INF2: variants seen among roughly 807,000 people sequenced by gnomAD.
INF2 encodes inverted formin 2, also known as inverted formin-2.
Under a neutral mutation model 123.5 loss-of-function variants are expected in INF2, and 43 were observed. The observed-to-expected ratio is 0.35, with a 90% CI of 0.27 to 0.45. INF2 has a LOEUF of 0.45. Ranked by LOEUF, INF2 falls within the 20% of genes least tolerant of loss-of-function variation. INF2 has a pLI of 1.00. For missense variants in INF2, 1,453 were observed against 1,682.7 expected, an observed-to-expected ratio of 0.86 and a Z score of 2.39; for synonymous variants, 851 against 745.0, an observed-to-expected ratio of 1.14 and a Z score of -2.32.
intron 7 of INF2, 47 bp downstream of exon 7, chr14:104,707,098 C>G (rs1383970535): frequency 1.3e-6 from 2 of 1,546,696 alleles, no homozygotes; most frequent in Non-Finnish European, 8.7e-7. Context: ...TGGGCAGACA[C>G]TGAGGTCTTA....
chr14:104,710,115 G>A lies in INF2; in HGVS notation c.2166G>A (p.Leu722=), dbSNP rs1243602670. 8 of 1,552,798 alleles carry A rather than the reference G, an allele frequency of 5.2e-6. No individual in the cohort carries two copies. The highest frequency in any genetic ancestry group is 7.0e-6 in the Non-Finnish European group (8 of 1,148,778). The part of the protein sequence containing the change: ...PCYQLRIECM[L]LCEGAAAVLD... The stretch of plus-strand genomic sequence containing the variant: ...ACCAGCTGCGAATCGAGTGCATGCT[G>A]CTGTGTGAGGGCGCGGCCGCCGTGC... Residue 722 remains leucine (L), a synonymous_variant, in exon 13 of 23, where the codon CTG becomes CTA. Transcript: ENST00000392634.
chr14:104,689,472 G>C, upstream of INF2: 1 of 424,290 alleles, frequency 2.4e-6, no homozygotes, highest in Non-Finnish European at 3.2e-6. Context: ...CGCCCTCAGG[G>C]ACCGGCCACA....
In INF2 at chr14:104,712,943, C is replaced by T. The variant is rs201336550; in HGVS notation, c.2726C>T (p.Thr909Met). 1.2e-5 allele frequency: 20 copies of T among 1,612,712 alleles called. No homozygotes were observed. Among genetic ancestry groups the T allele is most frequent in the Admixed American group, 3.3e-5 (2 of 60,030 alleles). Residue 909 changes from threonine to methionine, a missense_variant, in exon 18 of 23, where the codon ACG becomes ATG. By Grantham distance (81) the Thr-to-Met change is moderately conservative (BLOSUM62 -1). This residue lies in a region of INF2 where 212 missense variants were observed against 266.2 expected (regional missense o/e 0.80). Transcript: ENST00000392634. ...GCCCAGCAGCTGTCCCTGGAGGACA[C>T]GTTCAGCACCATGAAGGCTTTCCGG... ...EDAQQLSLEDTFSTMKAFRDL... is the reference protein window; with the variant it reads ...EDAQQLSLEDMFSTMKAFRDL...
upstream of INF2, among the ~76,000 whole-genome samples, chr14:104,687,893 A>G (rs1183001587): frequency 6.6e-6 from 1 of 152,188 alleles, no homozygotes; most frequent in Non-Finnish European, 1.5e-5. The surrounding 1 kb of genome is among the most constrained non-coding windows in gnomAD (Gnocchi z 5.6). Flanking sequence ...CTGGATCAAC[A>G]AACACACCCA....
At chr14:104,717,932 T>A (rs7157045) in intron 22 of INF2, among the ~76,000 whole-genome samples, 2,512 of 152,256 alleles carry the variant, frequency 0.016, 34 homozygotes, top group South Asian at 0.044. Context: ...AATCCTTCAC[T>A]GCCACTGCCG....
intron 22 of INF2, chr14:104,716,044 A>G (rs1339722237): frequency 9.1e-6 from 4 of 438,898 alleles, no homozygotes; most frequent in Admixed American, 2.4e-5. Flanking sequence ...GGAGAGGCCA[A>G]TGCATCCAGC....
intron 1 of INF2, among the ~76,000 whole-genome samples, chr14:104,682,520 C>T (rs372993070): frequency 5.9e-5 from 9 of 152,148 alleles, no homozygotes; most frequent in Non-Finnish European, 8.8e-5. Context: ...GACAGCCATC[C>T]GGCCTTTGGG....
At chr14:104,716,050 C>T (rs1203575948) in intron 22 of INF2, 2 of 433,680 alleles carry the variant, frequency 4.6e-6, no homozygotes, top group Non-Finnish European at 9.3e-6. Context: ...GCCAATGCAT[C>T]CAGCTAGACA....
At chr14:104,712,584 GGA>G in intron 17 of INF2, 31 bp downstream of exon 17, 1 of 1,612,336 alleles carries the variant, frequency 6.2e-7, no homozygotes, top group African/African-American at 1.3e-5. Flanking sequence ...GGGGCTGGCG[GGA>G]GAGGCTGCCC....
rs1890454114 is a variant in INF2, at chr14:104,719,132, C to T, written c.*339C>T. The stretch of plus-strand genomic sequence containing the variant: ...GGGGGTGCTGCGTCCTGCCAGTGTC[C>T]ACCACAGCTCTGCCTGCCCTTCAGC... On this transcript the variant is annotated 3_prime_UTR_variant, in exon 23 of 23. Coordinates refer to ENST00000392634, the MANE Select transcript of INF2 (RefSeq NM_022489.4). 2.4e-6 allele frequency: 1 copy of T among 412,134 alleles called. No individual in the cohort carries two copies. Among genetic ancestry groups the T allele is most frequent in the South Asian group, 4.8e-5 (1 of 21,034 alleles). The allele number at this position is 412,134 out of a possible 1,614,324, so 25.5% of individuals were successfully genotyped here.
At chr14:104,709,429 C>T (rs112299129) in intron 11 of INF2, 46 bp downstream of exon 11, 2 of 1,487,804 alleles carry the variant, frequency 1.3e-6, no homozygotes, top group South Asian at 1.1e-5. Context: ...GTGCCACCAA[C>T]CAAGGGAGAG....
intron 1 of INF2, among the ~76,000 whole-genome samples, chr14:104,698,082 G>A (rs1329544365): frequency 6.6e-6 from 1 of 152,252 alleles, no homozygotes; most frequent in Non-Finnish European, 1.5e-5. Context: ...AGGTGGCCAC[G>A]CCCTACAGCC....
rs1889847537 is a variant in INF2, at chr14:104,707,647, C to T, written c.1380C>T (p.Pro460=). The T allele has an allele frequency of 2.1e-6, 2 of 966,308 alleles. No homozygotes were observed. The highest frequency in any genetic ancestry group is 3.1e-6 in the Non-Finnish European group (2 of 649,432). 59.9% of individuals were successfully genotyped at this position (966,308 alleles called of 1,614,324 possible). The change falls in exon 8 of 23, where the codon CCC becomes CCT. Residue 460 remains proline, a synonymous_variant. Transcript: ENST00000392634. ...GAKALPTAPP[P]PPLPGLGAMA... is the part of the protein sequence containing the mutation. ...AGGCCCTCCCAACAGCACCCCCGCC[C>T]CCACCCCTGCCAGGCCTGGGGGCCA... is the stretch of plus-strand genomic sequence containing the variant.
intron 7 of INF2, 21 bp downstream of exon 7, chr14:104,707,072 C>T (rs777780900): frequency 2.1e-4 from 331 of 1,565,000 alleles, no homozygotes; most frequent in Non-Finnish European, 2.7e-4. Context: ...GGGGCAGGGG[C>T]GTAGGCACAG....
At chr14:104,711,724 C>T in intron 16 of INF2, 25 bp downstream of exon 16, 3 of 1,608,772 alleles carry the variant, frequency 1.9e-6, no homozygotes, top group Non-Finnish European at 1.7e-6. Flanking sequence ...CCAGCCCGCC[C>T]ACCTCAGCCA....
In INF2 at chr14:104,707,031, C is replaced by T; in HGVS notation, c.965C>T (p.Ala322Val). ...GCCCTGGAGAGCCTCGTGAACCGGG[C>T]CGTGCTCCTGGCCAGCGATGGTGAG... Reference protein sequence around the residue: ...WEALESLVNRAVLLASDAQEC... With the variant: ...WEALESLVNRVVLLASDAQEC... The change falls in exon 7 of 23, where the codon GCC (alanine) becomes GTC (valine). Residue 322 changes from alanine to valine, a missense_variant. Coordinates refer to ENST00000392634, the MANE Select transcript of INF2 (RefSeq NM_022489.4). The T allele has an allele frequency of 6.3e-7, 1 of 1,584,546 alleles. No individual in the cohort carries two copies. Among genetic ancestry groups the T allele is most frequent in the Non-Finnish European group, 8.5e-7 (1 of 1,173,278 alleles).
chr14:104,689,601 C>CCGCCCGCCCCG (rs1053567097), upstream of INF2: 23 of 791,924 alleles, frequency 2.9e-5, no homozygotes, highest in Non-Finnish European at 3.5e-5. Flanking sequence ...CCCGCCCGCC[C>CCGCCCGCCCCG]CGCCCGCCCC....
At chr14:104,692,219 A>G (rs1888985765) in intron 1 of INF2, among the ~76,000 whole-genome samples, 1 of 152,194 alleles carries the variant, frequency 6.6e-6, no homozygotes, top group Non-Finnish European at 1.5e-5. Context: ...TCCCACCCTC[A>G]TCCCTCCCAG....
At chr14:104,695,141 G>C (rs985825227) in intron 1 of INF2, among the ~76,000 whole-genome samples, 2 of 152,136 alleles carry the variant, frequency 1.3e-5, no homozygotes, top group African/African-American at 4.8e-5. Flanking sequence ...TGCAGGGTAC[G>C]TCTGGGGCCT....
Sources: allele counts gnomAD v4.1 joint callset (sites outside exome capture counted in the v4.1 genomes callset), GRCh38; gene constraint gnomAD v4.1.1; regional missense constraint gnomAD v4.1.1; non-coding constraint Gnocchi (gnomAD v3.1); transcripts MANE v1.5; gene names NCBI Gene and HGNC (gene_info 2026-07-23, HGNC 2026-07-21).